Variants in PTCHD4 observed in about 807,000 individuals in gnomAD.
PTCHD4 encodes the protein patched domain-containing protein 4.
In PTCHD4, 33 loss-of-function variants were observed where a neutral mutation model predicts 58.1. The observed-to-expected ratio is 0.57, with a 90% CI of 0.43 to 0.76. The LOEUF (loss-of-function observed/expected upper bound fraction) is 0.76. PTCHD4 is among the 30% of genes least tolerant of loss of function. The pLI is 0.00. For synonymous variants in PTCHD4, 478 were observed against 409.6 expected, an observed-to-expected ratio of 1.17 and a Z score of -2.02; for missense variants, 1,058 against 1,027.1, an observed-to-expected ratio of 1.03 and a Z score of -0.41.
rs993399214 is a variant in PTCHD4 at position 48,068,374 on chromosome 6, CA to C, written c.272del (p.Leu91ArgfsTer21). ...ERSLASSLFP[L>X]DQSKSQLYSD... ...AATAGAGCTGGCTTTTGGACTGGTCCAGGGGGAAAAGGCTGCTGGCCAGGCT... is the reference window on the plus strand; with the variant it reads ...AATAGAGCTGGCTTTTGGACTGGTCCGGGGGAAAAGGCTGCTGGCCAGGCT... On this transcript the variant is annotated frameshift_variant, in exon 3 of 5. Transcript: ENST00000339488. LOFTEE classifies it high-confidence loss of function. The surrounding 1 kb of genome is among the most constrained non-coding windows in gnomAD (Gnocchi z 4.2). 3.7e-6 allele frequency: 6 copies of C among 1,613,832 alleles called. No individual in the cohort carries two copies. The highest frequency in any genetic ancestry group is 1.7e-5 in the Admixed American group (1 of 60,006).
intron 3 of PTCHD4, among the ~76,000 whole-genome samples, chr6:48,013,402 C>G (rs1372131974): frequency 1.4e-5 from 2 of 147,822 alleles, no homozygotes; most frequent in Non-Finnish European, 3.0e-5. Context: ...CAGAATGTCT[C>G]CCACTTCCAT....
At chr6:47,999,243 G>A (rs1768620809) in intron 4 of PTCHD4, among the ~76,000 whole-genome samples, 1 of 152,212 alleles carries the variant, frequency 6.6e-6, no homozygotes, top group African/African-American at 2.4e-5. Context: ...TAAGAGGCAG[G>A]AGCTGGACTG....
intron 3 of PTCHD4, among the ~76,000 whole-genome samples, chr6:48,017,772 T>G (rs1762916867): frequency 6.6e-6 from 1 of 152,196 alleles, no homozygotes; most frequent in Non-Finnish European, 1.5e-5. Flanking sequence ...TTGATTCGTG[T>G]GTCTGACTCC....
At chr6:47,941,095 A>G (rs929196480) in intron 4 of PTCHD4, among the ~76,000 whole-genome samples, 1 of 151,920 alleles carries the variant, frequency 6.6e-6, no homozygotes, top group African/African-American at 2.4e-5. Flanking sequence ...CCGCCTCCGT[A>G]CTCACTCTCC....
chr6:48,098,235 G>A (rs1765516428), intron 1 of PTCHD4, among the ~76,000 whole-genome samples: 1 of 151,980 alleles, frequency 6.6e-6, no homozygotes, highest in Non-Finnish European at 1.5e-5. Context: ...GTGCAAAGTA[G>A]CAAACACAGG....
intron 3 of PTCHD4, among the ~76,000 whole-genome samples, chr6:48,018,005 TG>T (rs2114104213): frequency 6.6e-6 from 1 of 152,314 alleles, no homozygotes; most frequent in Non-Finnish European, 1.5e-5. Flanking sequence ...GAAGATTGAA[TG>T]TGTGGATATA....
intron 1 of PTCHD4, among the ~76,000 whole-genome samples, chr6:48,098,345 T>TTCTTC (rs1309210161): frequency 4.5e-5 from 6 of 134,548 alleles, no homozygotes; most frequent in African/African-American, 1.5e-4. Flanking sequence ...TCTTCTTCTT[T>TTCTTC]TTTTTTTTTT....
At chr6:48,103,233 C>T (rs540392443) in intron 1 of PTCHD4, among the ~76,000 whole-genome samples, 20 of 152,230 alleles carry the variant, frequency 1.3e-4, no homozygotes, top group Non-Finnish European at 2.4e-4. Context: ...CTCACACGGC[C>T]GGGTACTCCT....
At chr6:47,947,627 C>G (rs900313172) in intron 4 of PTCHD4, among the ~76,000 whole-genome samples, 7 of 152,082 alleles carry the variant, frequency 4.6e-5, no homozygotes, top group African/African-American at 1.7e-4. Context: ...TTCTACCATG[C>G]ATAGTTGTTG....
rs1168032712 is a variant in PTCHD4, at chr6:48,068,290, G to T, written c.357C>A (p.Asp119Glu). The T allele has an allele frequency of 1.6e-5, 25 of 1,610,424 alleles. No individual in the cohort carries two copies. Among genetic ancestry groups the T allele is most frequent in the Non-Finnish European group, 2.1e-5 (25 of 1,177,362 alleles). ...GRVILLSPTG[D>E]NILLQAEGIL... is the part of the protein sequence containing the mutation. ...TCCCCTCAGCCTGGAGCAAAATATT[G>T]TCCCCGGTTGGGGAGAGGAGGATCA... The change falls in exon 3 of 5, where the codon GAC becomes GAA. Residue 119 changes from aspartate (D) to glutamate (E), a missense_variant. Transcript: ENST00000339488. The surrounding 1 kb of genome is among the most constrained non-coding windows in gnomAD (Gnocchi z 4.2).
At chr6:48,100,803 A>G (rs1765588691) in intron 1 of PTCHD4, among the ~76,000 whole-genome samples, 1 of 152,124 alleles carries the variant, frequency 6.6e-6, no homozygotes, top group South Asian at 2.1e-4. Context: ...TTTTTTTCTT[A>G]TATTATTTTG....
intron 4 of PTCHD4, among the ~76,000 whole-genome samples, chr6:47,917,126 A>G (rs1481965466): frequency 6.6e-6 from 1 of 152,062 alleles, no homozygotes; most frequent in East Asian, 1.9e-4. Context: ...TTTTGAGCAA[A>G]GCAAAATATG....
At chr6:47,969,292 T>A (rs1341925551) in intron 4 of PTCHD4, among the ~76,000 whole-genome samples, 1 of 152,244 alleles carries the variant, frequency 6.6e-6, no homozygotes, top group African/African-American at 2.4e-5. Flanking sequence ...AGTCACCTGC[T>A]TATGGTGACA....
chr6:48,018,918 A>T (rs977151084), intron 3 of PTCHD4, among the ~76,000 whole-genome samples: 14 of 152,202 alleles, frequency 9.2e-5, no homozygotes, highest in African/African-American at 3.4e-4. Context: ...AAAGATTAAA[A>T]GTCCTGCCAT....
At chr6:47,974,036 C>A (rs1003566147) in intron 4 of PTCHD4, among the ~76,000 whole-genome samples, 1 of 151,978 alleles carries the variant, frequency 6.6e-6, no homozygotes, top group Admixed American at 6.6e-5. Flanking sequence ...TGACGACGGG[C>A]AATACAATTA....
At chr6:47,968,527 G>A (rs769572488) in intron 4 of PTCHD4, among the ~76,000 whole-genome samples, 18 of 152,282 alleles carry the variant, frequency 1.2e-4, no homozygotes, top group East Asian at 3.9e-4. Context: ...CATCTGCTAA[G>A]TGTGATGACT....
At chr6:47,989,767 G>A (rs1054794167) in intron 4 of PTCHD4, among the ~76,000 whole-genome samples, 2 of 152,220 alleles carry the variant, frequency 1.3e-5, no homozygotes, top group African/African-American at 4.8e-5. Flanking sequence ...CCCTCATGGA[G>A]AGCCTCTGTT....
In PTCHD4 at chr6:48,068,698, C is replaced by CA. The variant is rs1764895345; in HGVS notation, c.6-58dup. ...CGGGCTACCCCGTTCTCCCCCATCC[C>CA]ACCCCCTGGGGCCAGTCCCCCCTCC... On this transcript the variant is annotated intron_variant, in intron 2 of 4. Transcript: ENST00000339488. The surrounding 1 kb of genome is among the most constrained non-coding windows in gnomAD (Gnocchi z 4.2). 6.8e-7 allele frequency: 1 copy of CA among 1,474,278 alleles called. No homozygotes were observed. Among genetic ancestry groups the CA allele is most frequent in the Non-Finnish European group, 9.0e-7 (1 of 1,109,984 alleles). The allele number at this position is 1,474,278 out of a possible 1,614,324, so 91.3% of individuals were successfully genotyped here. A position where few individuals can be genotyped will look rare whatever the true frequency, so the allele number is the denominator to read the frequency against.
intron 1 of PTCHD4, among the ~76,000 whole-genome samples, chr6:48,072,671 C>G (rs1295259757): frequency 6.6e-6 from 1 of 152,068 alleles, no homozygotes; most frequent in Non-Finnish European, 1.5e-5. Context: ...GTATACTTAT[C>G]TATATCTGTG....
Sources: allele counts gnomAD v4.1 joint callset (sites outside exome capture counted in the v4.1 genomes callset), GRCh38; gene constraint gnomAD v4.1.1; non-coding constraint Gnocchi (gnomAD v3.1); transcripts MANE v1.5; gene names NCBI Gene and HGNC (gene_info 2026-07-23, HGNC 2026-07-21).